MAST3: variants seen among roughly 807,000 people sequenced by gnomAD.
MAST3 encodes the protein microtubule-associated serine/threonine-protein kinase 3.
Under a neutral mutation model 127.0 loss-of-function variants are expected in MAST3, and 43 were observed. The observed-to-expected ratio is 0.34, with a 90% CI of 0.27 to 0.44. MAST3 has a LOEUF of 0.44. Among genes scored for constraint, MAST3 ranks in the 20% least tolerant of loss-of-function variants. MAST3 has a pLI of 1.00. For missense variants in MAST3, 1,390 were observed against 1,919.1 expected (o/e 0.72, Z 5.15); for synonymous variants, 785 against 809.2 (o/e 0.97, Z 0.51).
chr19:18,134,067 G>C (rs1568589106), intron 15 of MAST3, among the ~76,000 whole-genome samples: 1 of 152,028 alleles, frequency 6.6e-6, no homozygotes. Flanking sequence ...AATGAACTAT[G>C]TAGTCAGTAC....
At position 18,122,721 on chromosome 19, in the gene MAST3, T is replaced by C. The variant is rs2040145569; in HGVS notation, c.369T>C (p.Tyr123=). ...WSLASLPSSG[Y]GTNTPSSTLS... Reference sequence around the variant, plus strand: ...TCGCGTCTCTCCCATCTTCCGGCTATGGAACCAACACACCCAGCTCCACCC... The same window carrying C: ...TCGCGTCTCTCCCATCTTCCGGCTACGGAACCAACACACCCAGCTCCACCC... Residue 123 remains tyrosine, a synonymous_variant, in exon 6 of 28, where the codon TAT becomes TAC. Coordinates refer to ENST00000687212, the MANE Select transcript of MAST3 (RefSeq NM_001393504.1). The C allele has an allele frequency of 1.2e-6, 2 of 1,613,490 alleles. No individual in the cohort carries two copies. Among genetic ancestry groups the C allele is most frequent in the Non-Finnish European group, 1.7e-6 (2 of 1,179,734 alleles).
chr19:18,148,381 G>A (rs2043248587), intron 27 of MAST3, among the ~76,000 whole-genome samples: 1 of 151,966 alleles, frequency 6.6e-6, no homozygotes, highest in Non-Finnish European at 1.5e-5. Flanking sequence ...AGGCTCACTT[G>A]AGCCCAGGAG....
chr19:18,115,401 G>A (rs1599703531), intron 3 of MAST3, among the ~76,000 whole-genome samples: 1 of 152,138 alleles, frequency 6.6e-6, no homozygotes, highest in South Asian at 2.1e-4. Flanking sequence ...GGACGAGGGG[G>A]CAGCGCCTTT....
rs1224459487 is a variant in MAST3, at chr19:18,147,672, G to A, written c.3508+48G>A. 5 of 1,346,132 alleles carry A rather than the reference G, an allele frequency of 3.7e-6. No homozygotes were observed. The African/African-American group carries it at 5.9e-5, about 16-fold the overall frequency. 83.4% of individuals were successfully genotyped at this position (1,346,132 alleles called of 1,614,324 possible). On this transcript the variant is annotated intron_variant, in intron 27 of 27. Coordinates refer to ENST00000687212, the MANE Select transcript of MAST3 (RefSeq NM_001393504.1). ...CCACCCCGGCTACCCTGGGAGCAAGGGCTGGTGGGCCCCAGGAGGGAGGAA... is the reference window on the plus strand; with the variant it reads ...CCACCCCGGCTACCCTGGGAGCAAGAGCTGGTGGGCCCCAGGAGGGAGGAA...
chr19:18,119,418 GA>G (rs1431751037), intron 3 of MAST3, among the ~76,000 whole-genome samples: 1 of 152,208 alleles, frequency 6.6e-6, no homozygotes, highest in East Asian at 1.9e-4. Flanking sequence ...AAGTTTTGCA[GA>G]AACCTGTGGG....
chr19:18,148,155 G>T (rs1480682769), intron 27 of MAST3, among the ~76,000 whole-genome samples: 1 of 152,112 alleles, frequency 6.6e-6, no homozygotes, highest in East Asian at 1.9e-4. Flanking sequence ...TACAAAATCA[G>T]CCAGGTGTGG....
chr19:18,121,509 G>A (rs946096541), intron 3 of MAST3, among the ~76,000 whole-genome samples, 176 bp from the exon 4 acceptor site: 1 of 152,252 alleles, frequency 6.6e-6, no homozygotes, highest in Non-Finnish European at 1.5e-5. Context: ...TCCCTCCTGG[G>A]CCTTGAAGAC....
chr19:18,147,107 T>C, intron 26 of MAST3, 63 bp downstream of exon 26: 1 of 1,255,210 alleles, frequency 8.0e-7, no homozygotes, highest in East Asian at 2.8e-5. Context: ...TCCTTTTTTT[T>C]TTTTTTTTTT....
At chr19:18,130,013 C>T (rs570912888) in intron 13 of MAST3, among the ~76,000 whole-genome samples, 1 of 150,548 alleles carries the variant, frequency 6.6e-6, no homozygotes, top group Non-Finnish European at 1.5e-5. Context: ...ACTTTGGGAG[C>T]CCGAAGTGGG....
intron 11 of MAST3, among the ~76,000 whole-genome samples, chr19:18,126,929 C>T (rs1056209191): frequency 2.0e-5 from 3 of 151,736 alleles, no homozygotes; most frequent in Non-Finnish European, 4.4e-5. Flanking sequence ...TACAGGCGCC[C>T]GCCACCACGC....
intron 1 of MAST3, among the ~76,000 whole-genome samples, chr19:18,106,851 A>G (rs1043110178): frequency 1.3e-5 from 2 of 151,266 alleles, no homozygotes; most frequent in South Asian, 2.1e-4. Context: ...GATTACAGGT[A>G]TGAGCCACTG....
Position 18,128,957 on chromosome 19 carries a change from T to A in MAST3, c.1223+6T>A. ...ATTAGCAACGGAGCCTATGGGTGAG[T>A]CCCTGAGTCCTGCATAGACCCATTT... On this transcript the variant is annotated splice_donor_region_variant and intron_variant, in intron 13 of 27. Transcript: ENST00000687212. The A allele has an allele frequency of 6.2e-7, 1 of 1,613,272 alleles. No individual in the cohort carries two copies. The highest frequency in any genetic ancestry group is 2.2e-5 in the East Asian group (1 of 44,878).
intron 15 of MAST3, among the ~76,000 whole-genome samples, chr19:18,134,141 G>T (rs1337623755): frequency 6.6e-6 from 1 of 152,036 alleles, no homozygotes; most frequent in Non-Finnish European, 1.5e-5. Flanking sequence ...GGCCGAGGCA[G>T]GTGAACTACC....
intron 11 of MAST3, among the ~76,000 whole-genome samples, chr19:18,126,821 C>G (rs968292125): frequency 2.0e-5 from 3 of 151,916 alleles, no homozygotes; most frequent in Admixed American, 1.3e-4. Context: ...CGCTCTCTCG[C>G]CCAGGCTGGA....
intron 1 of MAST3, among the ~76,000 whole-genome samples, chr19:18,099,350 A>T (rs1035809473): frequency 1.1e-5 from 1 of 92,112 alleles, no homozygotes; most frequent in Middle Eastern, 5.7e-3. Context: ...GCGGGGCGGG[A>T]TTGGCGAGCA....
intron 11 of MAST3, among the ~76,000 whole-genome samples, chr19:18,125,740 CAA>C (rs940062855): frequency 8.1e-6 from 1 of 123,806 alleles, no homozygotes; most frequent in Non-Finnish European, 1.7e-5. Flanking sequence ...GACTCTGTCT[CAA>C]AAAAAAAAAC....
At chr19:18,132,922 G>C (rs2041477191) in intron 15 of MAST3, among the ~76,000 whole-genome samples, 1 of 152,212 alleles carries the variant, frequency 6.6e-6, no homozygotes, top group African/African-American at 2.4e-5. Context: ...GGCCAACATA[G>C]TGAAACCTTG....
At chr19:18,118,121 C>A in intron 3 of MAST3, 1 of 985,414 alleles carries the variant, frequency 1.0e-6, no homozygotes, top group South Asian at 4.7e-5. Flanking sequence ...GCCGAGGCCT[C>A]CCTTCCCGGC....
At chr19:18,131,861 G>C (rs776283946) in intron 14 of MAST3, 48 bp from the exon 15 acceptor site, 11 of 1,495,792 alleles carry the variant, frequency 7.4e-6, no homozygotes, top group Non-Finnish European at 9.9e-6. Context: ...GGGCGGGCGG[G>C]GGGCGGGGGT....
Sources: gnomAD v4.1 joint callset for allele counts (sites outside exome capture counted in the v4.1 genomes callset) on GRCh38, gnomAD v4.1.1 for gene constraint, MANE v1.5 for transcripts, NCBI Gene and HGNC (gene_info 2026-07-23, HGNC 2026-07-21) for gene names.